TENM2: variants seen among roughly 807,000 people sequenced by gnomAD.
The protein encoded by TENM2 is teneurin-2.
In TENM2, 52 loss-of-function variants were observed where a neutral mutation model predicts 245.2. The observed-to-expected ratio is 0.21, with a 90% CI of 0.17 to 0.27. The LOEUF (loss-of-function observed/expected upper bound fraction) is 0.27, where lower values mean the gene tolerates loss of function less well. Among genes scored for constraint, TENM2 ranks in the 10% least tolerant of loss-of-function variants. TENM2 has a pLI of 1.00. For synonymous variants in TENM2, 1,363 were observed against 1,438.9 expected (o/e 0.95, Z 1.19); for missense variants, 3,046 against 3,666.8 (o/e 0.83, Z 4.37).
chr5:168,111,365 G>T (rs899549153), intron 9 of TENM2, among the ~76,000 whole-genome samples: 1 of 152,084 alleles, frequency 6.6e-6, no homozygotes, highest in East Asian at 1.9e-4. Context: ...TCTTCACGGG[G>T]GTCCTGCCGG....
At position 167,420,892 on chromosome 5, in the gene TENM2, T is replaced by C. The variant is rs115735903; in HGVS notation, c.502+45419T>C. Among the ~76,000 whole-genome samples the C allele has an allele frequency of 2.7e-3, 408 of 152,300 alleles. 4 individuals are homozygous for C. Among genetic ancestry groups the C allele is most frequent in the Middle Eastern group, 0.01 (3 of 294 alleles). On this transcript the variant is annotated intron_variant, in intron 2 of 28. Coordinates refer to ENST00000518659, the Ensembl canonical transcript of TENM2. ...CCTGATATGTTGCACACACTCAAAA[T>C]ATTTGTTGCATAAAGAAATGAGTGA... is the stretch of plus-strand genomic sequence containing the variant.
intron 23 of TENM2, among the ~76,000 whole-genome samples, chr5:168,224,652 C>T (rs779837147): frequency 6.6e-6 from 1 of 152,164 alleles, no homozygotes; most frequent in Non-Finnish European, 1.5e-5. Flanking sequence ...CATCCCCACG[C>T]GCTGCACAAG....
intron 1 of TENM2, among the ~76,000 whole-genome samples, chr5:167,343,317 G>A (rs1758240585): frequency 6.6e-6 from 1 of 152,006 alleles, no homozygotes; most frequent in Non-Finnish European, 1.5e-5. Context: ...AATTATACTG[G>A]ACACCAACAT....
At chr5:167,069,693 T>G in the TENM2 span, among the ~76,000 whole-genome samples, 1 of 152,222 alleles carries the variant, frequency 6.6e-6, no homozygotes, top group East Asian at 1.9e-4. Context: ...CTCGCCAAAG[T>G]GTAAGCAGTG....
chr5:167,915,395 AAGG>A (rs1776861596), intron 3 of TENM2, among the ~76,000 whole-genome samples: 1 of 152,140 alleles, frequency 6.6e-6, no homozygotes, highest in Non-Finnish European at 1.5e-5. Context: ...GCTTTCATGT[AAGG>A]TGTCTGAATC....
chr5:167,411,998 C>G (rs1161114422), intron 2 of TENM2, among the ~76,000 whole-genome samples: 1 of 152,046 alleles, frequency 6.6e-6, no homozygotes, highest in Non-Finnish European at 1.5e-5. Flanking sequence ...TATCAGTGAG[C>G]TCACCAAGGA....
intron 2 of TENM2, among the ~76,000 whole-genome samples, chr5:167,389,416 T>C (rs1355058369): frequency 6.6e-6 from 1 of 151,988 alleles, no homozygotes; most frequent in Non-Finnish European, 1.5e-5. Context: ...TTTTACAGAG[T>C]TGGCATGTTT....
At chr5:167,149,411 T>A in the TENM2 span, among the ~76,000 whole-genome samples, 1 of 152,042 alleles carries the variant, frequency 6.6e-6, no homozygotes, top group East Asian at 1.9e-4. Flanking sequence ...CGAGTGTGCC[T>A]CTACATAATA....
At chr5:167,414,936 C>T (rs896919002) in intron 2 of TENM2, among the ~76,000 whole-genome samples, 5 of 152,086 alleles carry the variant, frequency 3.3e-5, no homozygotes, top group East Asian at 3.9e-4. Context: ...CACCTTGGTA[C>T]ATCAGTTAAT....
chr5:167,579,717 C>T (rs1361704121), intron 2 of TENM2, among the ~76,000 whole-genome samples: 2 of 152,208 alleles, frequency 1.3e-5, no homozygotes, highest in Non-Finnish European at 2.9e-5. Context: ...CCTCCCTTTT[C>T]TTCCTATTCC....
chr5:167,305,372 C>T (rs753779090), intron 1 of TENM2, among the ~76,000 whole-genome samples: 20 of 152,200 alleles, frequency 1.3e-4, no homozygotes, highest in Non-Finnish European at 2.1e-4. Context: ...CTTCTAGATC[C>T]TATAAGCACC....
intron 7 of TENM2, among the ~76,000 whole-genome samples, chr5:168,063,231 T>G (rs1790200402): frequency 6.6e-6 from 1 of 152,192 alleles, no homozygotes; most frequent in East Asian, 1.9e-4. Context: ...GTGGCTCCCC[T>G]GTACTAAGTT....
intron 12 of TENM2, chr5:168,129,275 A>G (rs1264646775): frequency 6.6e-6 from 1 of 152,156 alleles, no homozygotes; most frequent in African/African-American, 2.4e-5. Flanking sequence ...GATAAGTTGG[A>G]AAAAAAGGTG....
At chr5:167,359,295 A>C (rs1490438926) in intron 1 of TENM2, among the ~76,000 whole-genome samples, 1 of 152,176 alleles carries the variant, frequency 6.6e-6, no homozygotes, top group Non-Finnish European at 1.5e-5. Context: ...TGCTGCCTTC[A>C]TTCCAGCCAC....
chr5:167,560,013 C>T (rs140937669), intron 2 of TENM2, among the ~76,000 whole-genome samples: 1 of 152,164 alleles, frequency 6.6e-6, no homozygotes, highest in African/African-American at 2.4e-5. Flanking sequence ...TGTGGCGATG[C>T]TTCCTTGGCA....
chr5:167,064,722 CA>C, the TENM2 span, among the ~76,000 whole-genome samples: 3 of 152,130 alleles, frequency 2.0e-5, no homozygotes, highest in African/African-American at 7.2e-5. Flanking sequence ...AGTATCCTTA[CA>C]GTTATTGAAA....
At position 167,517,566 on chromosome 5, in the gene TENM2, C is replaced by G. The variant is rs547034702; in HGVS notation, c.502+142093C>G. 2.0e-5 allele frequency among the ~76,000 whole-genome samples: 3 copies of G among 151,722 alleles called. No homozygotes were observed. The South Asian group carries it at 6.2e-4, about 31-fold the overall frequency. ...CATACTGCAAGTTGATTATTGTAAT[C>G]CAACAGCGTTATCTCATCAGTGAGC... On this transcript the variant is annotated intron_variant, in intron 2 of 28. Coordinates refer to ENST00000518659, the Ensembl canonical transcript of TENM2.
intron 2 of TENM2, among the ~76,000 whole-genome samples, chr5:167,841,073 T>TG: frequency 6.6e-6 from 1 of 151,938 alleles, no homozygotes; most frequent in Middle Eastern, 3.4e-3. Flanking sequence ...TTTTTTTTTT[T>TG]GAGATGGGAG....
At chr5:167,309,466 C>G (rs1755887011) in intron 1 of TENM2, among the ~76,000 whole-genome samples, 2 of 152,166 alleles carry the variant, frequency 1.3e-5, no homozygotes, top group Non-Finnish European at 2.9e-5. Flanking sequence ...AGCCAAGGAA[C>G]ATCTATAGAA....
Sources: gnomAD v4.1 joint callset for allele counts (sites outside exome capture counted in the v4.1 genomes callset) on GRCh38, gnomAD v4.1.1 for gene constraint, MANE v1.5 for transcripts, NCBI Gene and HGNC (gene_info 2026-07-23, HGNC 2026-07-21) for gene names.